Variants in SPOUT1 observed in about 807,000 individuals in gnomAD.
SPOUT1 encodes 28S rRNA (uridine-N(3))-methyltransferase.
In SPOUT1, 40 loss-of-function variants were observed where a neutral mutation model predicts 54.8. That is an observed-to-expected ratio of 0.73 (90% CI 0.57 to 0.95). The LOEUF is 0.95. Ranked by LOEUF, SPOUT1 falls within the 40% of genes least tolerant of loss-of-function variation. SPOUT1 has a pLI of 0.00. For missense variants in SPOUT1, 437 were observed against 499.5 expected, an observed-to-expected ratio of 0.87 and a Z score of 1.19; for synonymous variants, 193 against 200.3, an observed-to-expected ratio of 0.96 and a Z score of 0.31.
In SPOUT1 at chr9:128,820,510, G is replaced by A. The variant is rs993149142; in HGVS notation, c.*2255C>T. On this transcript the variant is annotated 3_prime_UTR_variant, in exon 12 of 12. Transcript: ENST00000361256. ...TTCCTTCATTCGACTCTTGGGAGCTGAGAAAAGACTTTGACACCTGGGCTG... is the reference window on the plus strand; with the variant it reads ...TTCCTTCATTCGACTCTTGGGAGCTAAGAAAAGACTTTGACACCTGGGCTG... The A allele has an allele frequency of 2.2e-5, 12 of 544,020 alleles. No individual in the cohort carries two copies. The highest frequency in any genetic ancestry group is 3.6e-5 in the Non-Finnish European group (11 of 304,266). 33.7% of individuals were successfully genotyped at this position (544,020 alleles called of 1,614,324 possible).
In SPOUT1 at chr9:128,826,926, C is replaced by T. The variant is rs746238584; in HGVS notation, c.368+106G>A. 2.2e-5 allele frequency: 27 copies of T among 1,203,930 alleles called. No individual in the cohort carries two copies. Among genetic ancestry groups the T allele is most frequent in the Middle Eastern group, 3.9e-4 (2 of 5,092 alleles). 74.6% of individuals were successfully genotyped at this position (1,203,930 alleles called of 1,614,324 possible). The stretch of plus-strand genomic sequence containing the variant: ...CACAGGGAATATTTCAGGCAGGGCA[C>T]GAGGGAAGAGCCAGGCATGTGGACG... On this transcript the variant is annotated intron_variant, in intron 4 of 11. Coordinates refer to ENST00000361256, the MANE Select transcript of SPOUT1 (RefSeq NM_016390.4). The surrounding 1 kb of genome is among the most constrained non-coding windows in gnomAD (Gnocchi z 5.5).
rs141829439 is a variant in SPOUT1 at position 128,824,868 on chromosome 9, G to C, written c.714C>G (p.Asp238Glu). 1.6e-4 allele frequency: 254 copies of C among 1,612,504 alleles called. No homozygotes were observed. The highest frequency in any genetic ancestry group is 2.1e-4 in the Non-Finnish European group (247 of 1,178,636). Residue 238 changes from aspartate (D) to glutamate (E), a missense_variant and splice_region_variant, in exon 9 of 12, where the codon GAC becomes GAG. Asp to Glu is a conservative substitution (Grantham distance 45, BLOSUM62 2). Coordinates refer to ENST00000361256, the MANE Select transcript of SPOUT1 (RefSeq NM_016390.4). ...CCACTTTGCCATGGTAGGTCTTGCA[G>C]TCTGGAGGGGTAACAGAGTCTGTAA... ...TVRLNQQQHP[D>E]CKTYHGKVVS...
At chr9:128,825,727 C>A (rs1830228484) in intron 7 of SPOUT1, among the ~76,000 whole-genome samples, 1 of 152,244 alleles carries the variant, frequency 6.6e-6, no homozygotes, top group Non-Finnish European at 1.5e-5. Flanking sequence ...TTAATGCCCT[C>A]ATCCCAGCTT....
At chr9:128,829,251 G>C (rs1339621395) in intron 1 of SPOUT1, 96 bp from the exon 2 acceptor site, 23 of 1,085,216 alleles carry the variant, frequency 2.1e-5, no homozygotes, top group Non-Finnish European at 3.0e-5. Flanking sequence ...CCTCCACACG[G>C]GGCGGCAAGG....
chr9:128,824,931 T>C, intron 8 of SPOUT1, 46 bp downstream of exon 8: 1 of 1,600,506 alleles, frequency 6.2e-7, no homozygotes, highest in African/African-American at 1.3e-5. Context: ...GGCTGAACCC[T>C]GGAGCTCATC....
rs1186303095 is a variant in SPOUT1, at chr9:128,822,295, C to A, written c.*470G>T. ...GAGGTGGCTTTGGGTTCATCCAGGC[C>A]CCCTGCCCACGTGTGCCTGGGTCTG... On this transcript the variant is annotated 3_prime_UTR_variant, in exon 12 of 12. Coordinates refer to ENST00000361256, the MANE Select transcript of SPOUT1 (RefSeq NM_016390.4). 6.2e-7 allele frequency: 1 copy of A among 1,601,330 alleles called. No individual in the cohort carries two copies. Among genetic ancestry groups the A allele is most frequent in the East Asian group, 2.2e-5 (1 of 44,676 alleles).
intron 2 of SPOUT1, 23 bp from the exon 3 acceptor site, chr9:128,828,883 T>C: frequency 6.2e-7 from 1 of 1,613,968 alleles, no homozygotes; most frequent in Non-Finnish European, 8.5e-7. Flanking sequence ...ACATCCTAAT[T>C]GGCCAAGGAG....
rs574030835 is a variant in SPOUT1, at chr9:128,829,065, G to A, written c.82+45C>T. ...TTTCTCCAGGGTTTGACTGAGCACT[G>A]GTGGAGTGGCCTATGGGAAGATACT... On this transcript the variant is annotated intron_variant, in intron 2 of 11. Transcript: ENST00000361256. The A allele has an allele frequency of 4.2e-5, 66 of 1,563,886 alleles. 2 individuals are homozygous for A. In the South Asian group the frequency reaches 7.3e-4, roughly 17 times the overall value.
In SPOUT1 at chr9:128,829,746, G is replaced by T. The variant is rs770160608; in HGVS notation, c.35C>A (p.Pro12Gln). The T allele has an allele frequency of 1.2e-6, 2 of 1,601,128 alleles. No individual in the cohort carries two copies. The highest frequency in any genetic ancestry group is 8.5e-7 in the Non-Finnish European group (1 of 1,174,660). Residue 12 changes from proline (P) to glutamine (Q), a missense_variant and splice_region_variant, in exon 1 of 12, where the codon CCG becomes CAG. Pro to Gln is a moderately conservative substitution (Grantham distance 76). Transcript: ENST00000361256. ...AERGRKRPCG[P>Q]GEHGQRIEWR... ...CGGGGTCCCGCCGCCCGCACTTACC[G>T]GGCCGCACGGCCGCTTCCTGCCGCG... is the stretch of plus-strand genomic sequence containing the variant.
chr9:128,826,080 A>C lies in SPOUT1; in HGVS notation c.581T>G (p.Val194Gly). Residue 194 changes from valine (V) to glycine (G), a missense_variant, in exon 7 of 12, where the codon GTG becomes GGG. Physicochemically the swap from Val to Gly is moderately radical, Grantham distance 109. Coordinates refer to ENST00000361256, the MANE Select transcript of SPOUT1 (RefSeq NM_016390.4). The surrounding 1 kb of genome is among the most constrained non-coding windows in gnomAD (Gnocchi z 5.5). ...DEESEFREGI[V>G]VDRPTRPGHG... ...GCCTGGCCGGGTGGGCCGATCCACC[A>C]CGATGCCCTCTCGGAACTCGGATTC... 1.2e-6 allele frequency: 2 copies of C among 1,614,136 alleles called. No individual in the cohort carries two copies. Among genetic ancestry groups the C allele is most frequent in the Non-Finnish European group, 1.7e-6 (2 of 1,180,008 alleles).
chr9:128,824,406 A>G (rs1050453141), intron 9 of SPOUT1, among the ~76,000 whole-genome samples: 2 of 151,834 alleles, frequency 1.3e-5, no homozygotes, highest in African/African-American at 2.4e-5. Flanking sequence ...TGTTCCTGGA[A>G]AGTCAAGGAC....
At position 128,827,034 on chromosome 9, in the gene SPOUT1, G is replaced by C. The variant is rs370340839; in HGVS notation, c.366C>G (p.Ala122=). The C allele has an allele frequency of 8.6e-5, 138 of 1,613,444 alleles. No homozygotes were observed. The highest frequency in any genetic ancestry group is 4.2e-4 in the Admixed American group (25 of 59,986). ...IVVFDEEGQD[A]KTVEGEFTGV... ...CACCCTGTGGGATGGCCCCTTACTT[G>C]GCATCCTGGCCCTCCTCATCAAACA... The change falls in exon 4 of 12, where the codon GCC becomes GCG. Residue 122 remains alanine, a splice_region_variant and synonymous_variant. Coordinates refer to ENST00000361256, the MANE Select transcript of SPOUT1 (RefSeq NM_016390.4).
intron 3 of SPOUT1, among the ~76,000 whole-genome samples, chr9:128,827,812 C>G (rs1830270271): frequency 6.6e-6 from 1 of 152,172 alleles, no homozygotes; most frequent in Admixed American, 6.5e-5. Flanking sequence ...ATCCCAGCTA[C>G]TCCGGAGGCT....
chr9:128,824,757 AG>A lies in SPOUT1; in HGVS notation c.811+13del, dbSNP rs1262947171. On this transcript the variant is annotated intron_variant, in intron 9 of 11. Coordinates refer to ENST00000361256, the MANE Select transcript of SPOUT1 (RefSeq NM_016390.4). The stretch of plus-strand genomic sequence containing the variant: ...GGATGGATGGATATTCAGAGAAGTA[AG>A]GTCTGTCCTTACTGAGGCAGGAAGC... 5.6e-6 allele frequency: 9 copies of A among 1,593,170 alleles called. No individual in the cohort carries two copies. The highest frequency in any genetic ancestry group is 7.8e-6 in the Non-Finnish European group (9 of 1,161,232).
At chr9:128,825,170 C>G (rs936169659) in intron 7 of SPOUT1, 121 bp from the exon 8 acceptor site, 4 of 687,182 alleles carry the variant, frequency 5.8e-6, no homozygotes, top group Non-Finnish European at 1.0e-5. Flanking sequence ...CCAGGTCAAC[C>G]TGCCACCCTC....
Position 128,820,797 on chromosome 9 carries a change from C to T in SPOUT1, c.*1968G>A, listed in dbSNP as rs1452357036. On this transcript the variant is annotated 3_prime_UTR_variant, in exon 12 of 12. Transcript: ENST00000361256. Reference sequence around the variant, plus strand: ...CTGGAGAAATATAGCCGCAGCTTGACCCGCAGCTACCAAAACGTCTATGTC... The same window carrying T: ...CTGGAGAAATATAGCCGCAGCTTGATCCGCAGCTACCAAAACGTCTATGTC... 1 of 1,612,430 alleles carries T rather than the reference C, an allele frequency of 6.2e-7. No homozygotes were observed. Among genetic ancestry groups the T allele is most frequent in the South Asian group, 1.1e-5 (1 of 90,666 alleles).
At position 128,829,758 on chromosome 9, in the gene SPOUT1, C is replaced by A. The variant is rs772388838; in HGVS notation, c.23G>T (p.Arg8Leu). 7 of 1,601,754 alleles carry A rather than the reference C, an allele frequency of 4.4e-6. No homozygotes were observed. Among genetic ancestry groups the A allele is most frequent in the African/African-American group, 2.7e-5 (2 of 74,782 alleles). The stretch of plus-strand genomic sequence containing the variant: ...GCCCGCACTTACCGGGCCGCACGGC[C>A]GCTTCCTGCCGCGCTCCGCCATGTT... MAERGRK[R>L]PCGPGEHGQR... The change falls in exon 1 of 12, where the codon CGG becomes CTG. Residue 8 changes from arginine (R) to leucine (L), a missense_variant. Arg to Leu is a moderately radical substitution (Grantham distance 102). Transcript: ENST00000361256.
rs1398393474 is a variant in SPOUT1, at chr9:128,822,485, G to T, written c.*280C>A. On this transcript the variant is annotated 3_prime_UTR_variant, in exon 12 of 12. Transcript: ENST00000361256. ...GATGCCCAACGCACCTGTGGATGAG[G>T]CCATCCCACTGGAGCGCTTCCTGGT... is the stretch of plus-strand genomic sequence containing the variant. The T allele has an allele frequency of 6.4e-7, 1 of 1,566,708 alleles. No homozygotes were observed. Among genetic ancestry groups the T allele is most frequent in the South Asian group, 1.2e-5 (1 of 85,602 alleles).
rs1177069355 is a variant in SPOUT1, at chr9:128,822,384, T to G, written c.*381A>C. The G allele has an allele frequency of 6.2e-7, 1 of 1,613,560 alleles. No homozygotes were observed. The highest frequency in any genetic ancestry group is 8.5e-7 in the Non-Finnish European group (1 of 1,179,908). ...TACCAGGTCATCGGCAAGAACCACG[T>G]GGCAGTGCCCACACACTTCTTCAAG... On this transcript the variant is annotated 3_prime_UTR_variant, in exon 12 of 12. Coordinates refer to ENST00000361256, the MANE Select transcript of SPOUT1 (RefSeq NM_016390.4).
Sources: gnomAD v4.1 joint callset for allele counts (sites outside exome capture counted in the v4.1 genomes callset) on GRCh38, gnomAD v4.1.1 for gene constraint, Gnocchi (gnomAD v3.1) non-coding constraint, MANE v1.5 for transcripts, NCBI Gene and HGNC (gene_info 2026-07-23, HGNC 2026-07-21) for gene names.